The following AFG1L variants were observed in gnomAD, a reference collection of about 807,000 sequenced individuals.
AFG1L encodes the protein AFG1 like ATPase.
In AFG1L, 53 loss-of-function variants were observed where a neutral mutation model predicts 62.2. The observed-to-expected ratio is 0.85, with a 90% CI of 0.68 to 1.07. The LOEUF is 1.07. Among genes scored for constraint, AFG1L ranks in the 50% least tolerant of loss-of-function variants. AFG1L has a pLI of 0.00. For missense variants in AFG1L, 555 were observed against 590.5 expected (o/e 0.94, Z 0.62); for synonymous variants, 228 against 210.3 (o/e 1.08, Z -0.73).
intron 7 of AFG1L, among the ~76,000 whole-genome samples, chr6:108,434,539 C>G (rs1771221551): frequency 6.6e-6 from 1 of 152,162 alleles, no homozygotes. Context: ...CTTTTCTAGG[C>G]TACTTTCACA....
intron 10 of AFG1L, among the ~76,000 whole-genome samples, chr6:108,499,463 CA>C (rs1174328871): frequency 1.3e-5 from 2 of 151,048 alleles, no homozygotes; most frequent in Admixed American, 6.6e-5. Flanking sequence ...CCAGGCCAGG[CA>C]TGGTTGCTTA....
At chr6:108,443,885 A>T (rs1315247761) in intron 7 of AFG1L, among the ~76,000 whole-genome samples, 1 of 152,048 alleles carries the variant, frequency 6.6e-6, no homozygotes, top group African/African-American at 2.4e-5. Context: ...AAAAAAAAAA[A>T]TTGCATTTTT....
At chr6:108,414,760 T>C (rs1352521509) in intron 7 of AFG1L, among the ~76,000 whole-genome samples, 1 of 152,176 alleles carries the variant, frequency 6.6e-6, no homozygotes, top group African/African-American at 2.4e-5. Flanking sequence ...TAGGTATTGA[T>C]GGGATGTATC....
At chr6:108,416,934 A>ATAC (rs1176296246) in intron 7 of AFG1L, among the ~76,000 whole-genome samples, 2 of 151,602 alleles carry the variant, frequency 1.3e-5, no homozygotes, top group Non-Finnish European at 2.9e-5. Flanking sequence ...AATAATAATA[A>ATAC]ATAAATAAAT....
chr6:108,480,166 C>T (rs1005514484), intron 10 of AFG1L, among the ~76,000 whole-genome samples: 2 of 151,936 alleles, frequency 1.3e-5, no homozygotes, highest in Non-Finnish European at 1.5e-5. Flanking sequence ...CCTGGATTCT[C>T]TTTCTTCGTA....
At chr6:108,504,160 A>G (rs1422388999) in intron 10 of AFG1L, among the ~76,000 whole-genome samples, 1 of 152,114 alleles carries the variant, frequency 6.6e-6, no homozygotes, top group Non-Finnish European at 1.5e-5. Context: ...TTCCTTCAAG[A>G]CATTTTCCTT....
intron 7 of AFG1L, among the ~76,000 whole-genome samples, chr6:108,412,241 G>A (rs1582545386): frequency 6.6e-6 from 1 of 152,272 alleles, no homozygotes; most frequent in East Asian, 1.9e-4. Context: ...AACAAACAAA[G>A]CCTCCAAGAA....
At chr6:108,401,069 A>G (rs910969782) in intron 6 of AFG1L, among the ~76,000 whole-genome samples, 3 of 150,306 alleles carry the variant, frequency 2.0e-5, no homozygotes, top group African/African-American at 7.3e-5. Flanking sequence ...CCCTGGTTCA[A>G]GTGATTCTCC....
intron 6 of AFG1L, among the ~76,000 whole-genome samples, chr6:108,395,931 A>G (rs1183922484): frequency 6.6e-6 from 1 of 152,048 alleles, no homozygotes; most frequent in Non-Finnish European, 1.5e-5. Context: ...CAACCTCGAC[A>G]TACAGGGTTC....
intron 10 of AFG1L, among the ~76,000 whole-genome samples, chr6:108,502,620 A>G (rs778945963): frequency 5.3e-5 from 8 of 152,134 alleles, no homozygotes; most frequent in Non-Finnish European, 1.2e-4. Context: ...GATTATAGGC[A>G]TGAACCACCA....
At chr6:108,363,438 C>G (rs934816651) in intron 5 of AFG1L, among the ~76,000 whole-genome samples, 1 of 152,042 alleles carries the variant, frequency 6.6e-6, no homozygotes, top group East Asian at 1.9e-4. Flanking sequence ...CGATTCTTAC[C>G]TTGGTTGAGA....
Position 108,509,492 on chromosome 6 carries a change from A to G in AFG1L, c.1063-720A>G, listed in dbSNP as rs12662474. The stretch of plus-strand genomic sequence containing the variant: ...ATAATCTTCAGCATGCCATTATCAA[A>G]TAGCTCCATTGACCAATAGTGGCAG... On this transcript the variant is annotated intron_variant, in intron 10 of 12. Transcript: ENST00000368977. Among the ~76,000 whole-genome samples, 672 of 152,336 alleles carry G rather than the reference A, an allele frequency of 4.4e-3. 19 individuals are homozygous for G. In the South Asian group the frequency reaches 0.053, roughly 12 times the overall value.
At chr6:108,503,910 C>G (rs1379550120) in intron 10 of AFG1L, among the ~76,000 whole-genome samples, 1 of 152,224 alleles carries the variant, frequency 6.6e-6, no homozygotes, top group Non-Finnish European at 1.5e-5. Context: ...GGCTTCTTTT[C>G]TTAAACCTCA....
intron 6 of AFG1L, among the ~76,000 whole-genome samples, chr6:108,380,421 C>G (rs1032608956): frequency 1.3e-5 from 2 of 152,176 alleles, no homozygotes; most frequent in South Asian, 2.1e-4. Context: ...TAATGGCACA[C>G]ACAGATCAGT....
Position 108,324,031 on chromosome 6 carries a change from G to A in AFG1L, c.346G>A (p.Glu116Lys), listed in dbSNP as rs1777930980. The change falls in exon 2 of 13, where the codon GAA (glutamate) becomes AAA (lysine). Residue 116 changes from glutamate (E) to lysine (K), a missense_variant. By Grantham distance (56) the Glu-to-Lys change is moderately conservative. Transcript: ENST00000368977. ...CCTTAAAGGATACAATATAGAGGCA[G>A]AAGGCCTTTTTTCAAAGGTGAGGCT... ...EDLKGYNIEA[E>K]GLFSKLFSRS... The A allele has an allele frequency of 6.2e-7, 1 of 1,610,394 alleles. No homozygotes were observed. Among genetic ancestry groups the A allele is most frequent in the African/African-American group, 1.3e-5 (1 of 74,950 alleles).
intron 3 of AFG1L, among the ~76,000 whole-genome samples, chr6:108,354,050 G>A (rs909795670): frequency 3.9e-5 from 6 of 152,156 alleles, no homozygotes; most frequent in African/African-American, 1.4e-4. Context: ...GTGGTGGTGG[G>A]AGATGGGGAA....
intron 10 of AFG1L, among the ~76,000 whole-genome samples, chr6:108,500,800 A>AT (rs1416989496): frequency 6.6e-6 from 1 of 152,122 alleles, no homozygotes; most frequent in African/African-American, 2.4e-5. Flanking sequence ...TTTTCTCCAC[A>AT]TTCCTCACCC....
chr6:108,495,789 CAA>C (rs1348445103), intron 10 of AFG1L, among the ~76,000 whole-genome samples: 3 of 152,104 alleles, frequency 2.0e-5, no homozygotes, highest in Non-Finnish European at 4.4e-5. Context: ...TCCACAGAAA[CAA>C]AGAGTTTGAA....
chr6:108,413,780 C>G (rs1048777627), intron 7 of AFG1L, among the ~76,000 whole-genome samples: 25 of 151,778 alleles, frequency 1.6e-4, no homozygotes, highest in African/African-American at 5.3e-4. Context: ...TGTGTAGAGG[C>G]AAATTTATAA....
Sources: gnomAD v4.1 joint callset for allele counts (sites outside exome capture counted in the v4.1 genomes callset) on GRCh38, gnomAD v4.1.1 for gene constraint, MANE v1.5 for transcripts, NCBI Gene and HGNC (gene_info 2026-07-23, HGNC 2026-07-21) for gene names.